Variants in WASF1 observed in about 807,000 individuals in gnomAD.
WASF1 encodes the protein WASP family member 1, also known as actin-binding protein WASF1.
Under a neutral mutation model 50.5 loss-of-function variants are expected in WASF1, and 7 were observed. The ratio of observed to expected loss-of-function variants is 0.14; its 90% confidence interval spans 0.08 to 0.26. WASF1 has a LOEUF of 0.26. Among genes scored for constraint, WASF1 ranks in the 10% least tolerant of loss-of-function variants. The pLI is 1.00. For synonymous variants in WASF1, 205 were observed against 244.0 expected (o/e 0.84, Z 1.49); for missense variants, 470 against 694.7 (o/e 0.68, Z 3.64).
intron 4 of WASF1, among the ~76,000 whole-genome samples, chr6:110,120,206 A>C (rs193295123): frequency 5.6e-4 from 85 of 152,334 alleles, no homozygotes; most frequent in African/African-American, 1.9e-3. Flanking sequence ...CAAGAAGAGA[A>C]AGAAATAAAG....
chr6:110,122,634 C>T (rs1490772346), intron 4 of WASF1, among the ~76,000 whole-genome samples: 1 of 152,156 alleles, frequency 6.6e-6, no homozygotes, highest in Non-Finnish European at 1.5e-5. Context: ...TGATCCACTT[C>T]CAATTAATGA....
intron 3 of WASF1, among the ~76,000 whole-genome samples, chr6:110,139,711 T>A (rs902907942): frequency 6.6e-6 from 1 of 152,128 alleles, no homozygotes; most frequent in Non-Finnish European, 1.5e-5. Flanking sequence ...ATAGAGCAGA[T>A]CCCCTCCAAT....
At chr6:110,109,615 G>A (rs150333862) in intron 5 of WASF1, among the ~76,000 whole-genome samples, 10,981 of 149,088 alleles carry the variant, frequency 0.074, 543 homozygotes, top group African/African-American at 0.15. Flanking sequence ...GCAGTGGCAC[G>A]ATCTCGGCTC....
At chr6:110,111,534 G>A (rs979660563) in intron 5 of WASF1, among the ~76,000 whole-genome samples, 1 of 152,150 alleles carries the variant, frequency 6.6e-6, no homozygotes, top group Admixed American at 6.5e-5. Flanking sequence ...CTCCAAAGGA[G>A]ATATTCAAAT....
At chr6:110,149,484 T>TAAAAAAAAAAAAAAAAAAAAAAAAAAA (rs71729607) in intron 3 of WASF1, among the ~76,000 whole-genome samples, 1 of 103,276 alleles carries the variant, frequency 9.7e-6, no homozygotes, top group Non-Finnish European at 2.1e-5. Flanking sequence ...GACTCTGTCT[T>TAAAAAAAAAAAAAAAAAAAAAAAAAAA]AAAAAAAAAA....
intron 3 of WASF1, among the ~76,000 whole-genome samples, chr6:110,159,611 T>C (rs973293300): frequency 2.0e-5 from 3 of 151,852 alleles, no homozygotes; most frequent in African/African-American, 7.3e-5. Flanking sequence ...TGAGACACAG[T>C]TAGAAGTTAA....
intron 2 of WASF1, among the ~76,000 whole-genome samples, chr6:110,168,902 T>C (rs1340480594): frequency 6.6e-6 from 1 of 152,090 alleles, no homozygotes; most frequent in Admixed American, 6.6e-5. Flanking sequence ...TCCTCTACTT[T>C]CAAAACCATC....
Position 110,107,589 on chromosome 6 carries a change from G to T in WASF1, c.423-395C>A, listed in dbSNP as rs141419451. ...ATTTTGCAGTTTCTGCCAATACTAT[G>T]ATTTATTTATTATCTTACTAAATCC... On this transcript the variant is annotated intron_variant, in intron 6 of 10. Coordinates refer to ENST00000392589, the MANE Select transcript of WASF1 (RefSeq NM_003931.3). Among the ~76,000 whole-genome samples the T allele has an allele frequency of 1.8e-3, 274 of 152,174 alleles. 8 individuals carry two copies. In the East Asian group the frequency reaches 0.045, roughly 25 times the overall value.
At chr6:110,158,609 T>C (rs1434807340) in intron 3 of WASF1, among the ~76,000 whole-genome samples, 2 of 151,946 alleles carry the variant, frequency 1.3e-5, no homozygotes, top group Non-Finnish European at 2.9e-5. Flanking sequence ...AGGAGAATCT[T>C]AGGGAATGAG....
At chr6:110,111,281 T>G (rs1773543196) in intron 5 of WASF1, among the ~76,000 whole-genome samples, 1 of 152,088 alleles carries the variant, frequency 6.6e-6, no homozygotes, top group Non-Finnish European at 1.5e-5. Flanking sequence ...CATAAAATAT[T>G]TTTCACCACT....
intron 3 of WASF1, among the ~76,000 whole-genome samples, chr6:110,153,488 T>C (rs542301077): frequency 6.6e-6 from 1 of 152,158 alleles, no homozygotes; most frequent in Non-Finnish European, 1.5e-5. Context: ...ATTAAATCAA[T>C]CTATGTTGAT....
At chr6:110,140,683 G>A (rs1206012829) in intron 3 of WASF1, among the ~76,000 whole-genome samples, 3 of 152,176 alleles carry the variant, frequency 2.0e-5, no homozygotes, top group Non-Finnish European at 4.4e-5. Flanking sequence ...CAAGTATTCC[G>A]TGTTGATTGT....
intron 3 of WASF1, among the ~76,000 whole-genome samples, chr6:110,137,414 C>G (rs1266372843): frequency 6.6e-6 from 1 of 152,092 alleles, no homozygotes; most frequent in Admixed American, 6.6e-5. Flanking sequence ...AAACCATAGT[C>G]CTCTCTCACT....
intron 3 of WASF1, among the ~76,000 whole-genome samples, chr6:110,147,056 T>C (rs1775597216): frequency 6.6e-6 from 1 of 151,958 alleles, no homozygotes; most frequent in African/African-American, 2.4e-5. Context: ...TAAATAATTA[T>C]GTCACCTGAG....
intron 9 of WASF1, among the ~76,000 whole-genome samples, chr6:110,102,564 G>A (rs984044421): frequency 2.0e-5 from 3 of 152,070 alleles, no homozygotes; most frequent in Admixed American, 1.3e-4. Context: ...TGATCATAAT[G>A]CAATTTTGTG....
intron 2 of WASF1, among the ~76,000 whole-genome samples, chr6:110,168,401 T>C (rs1418476342): frequency 1.3e-5 from 2 of 152,124 alleles, no homozygotes; most frequent in African/African-American, 4.8e-5. Context: ...CCTTCTGTGA[T>C]AGTGAAAATG....
At chr6:110,148,666 C>A (rs1349495108) in intron 3 of WASF1, among the ~76,000 whole-genome samples, 1 of 151,962 alleles carries the variant, frequency 6.6e-6, no homozygotes, top group Non-Finnish European at 1.5e-5. Context: ...AATGGAAAAC[C>A]CTTGAAGGGT....
intron 4 of WASF1, among the ~76,000 whole-genome samples, chr6:110,122,778 G>A (rs950934061): frequency 3.3e-5 from 5 of 151,820 alleles, no homozygotes; most frequent in East Asian, 1.9e-4. Flanking sequence ...TTATGTTCTC[G>A]GTAAGGCTTC....
rs1201095739 is a variant in WASF1 at position 110,161,323 on chromosome 6, G to T, written c.-126-591C>A. Among the ~76,000 whole-genome samples, 4 of 151,594 alleles carry T rather than the reference G, an allele frequency of 2.6e-5. No homozygotes were observed. The South Asian group carries it at 8.3e-4, about 31-fold the overall frequency. ...TTTAGAAGAAAACATATGTTCTTAG[G>T]AGGGAGGAACTAACTAGTCTAAAGT... On this transcript the variant is annotated intron_variant, in intron 2 of 10. Coordinates refer to ENST00000392589, the MANE Select transcript of WASF1 (RefSeq NM_003931.3).
Sources: gnomAD v4.1 joint callset for allele counts (sites outside exome capture counted in the v4.1 genomes callset) on GRCh38, gnomAD v4.1.1 for gene constraint, MANE v1.5 for transcripts, NCBI Gene and HGNC (gene_info 2026-07-23, HGNC 2026-07-21) for gene names.